OR51B5: variants seen among roughly 807,000 people sequenced by gnomAD.
The protein encoded by OR51B5 is olfactory receptor 51B5.
For synonymous variants in OR51B5, 186 were observed against 144.8 expected, an observed-to-expected ratio of 1.28 and a Z score of -2.04; for missense variants, 456 against 374.6, an observed-to-expected ratio of 1.22 and a Z score of -1.79.
chr11:5,455,665 A>G (rs1175455096), intron 1 of OR51B5: 2 of 151,514 alleles, frequency 1.3e-5, no homozygotes, highest in African/African-American at 2.5e-5. Flanking sequence ...TTAACTCACC[A>G]TGGAAACTCA....
intron 1 of OR51B5, among the ~76,000 whole-genome samples, chr11:5,361,502 G>A (rs535560204): frequency 9.8e-5 from 15 of 152,286 alleles, no homozygotes; most frequent in Admixed American, 8.5e-4. Flanking sequence ...TTATGAACAG[G>A]TCGGTAAAGA....
chr11:5,389,270 A>G (rs1849751209), intron 1 of OR51B5: 3 of 895,012 alleles, frequency 3.4e-6, no homozygotes, highest in Admixed American at 2.2e-5. Flanking sequence ...GGCAGAATTC[A>G]TAAGGGTGGA....
At chr11:5,375,513 C>T (rs2471983) in intron 1 of OR51B5, among the ~76,000 whole-genome samples, 27,081 of 151,992 alleles carry the variant, frequency 0.18, 2,675 homozygotes, top group Middle Eastern at 0.35. Flanking sequence ...CTAAGTGCTC[C>T]AATTGAAAGA....
chr11:5,479,199 C>A (rs1226917253), intron 1 of OR51B5, among the ~76,000 whole-genome samples: 1 of 147,384 alleles, frequency 6.8e-6, no homozygotes, highest in East Asian at 2.0e-4. Flanking sequence ...AGAGTGGGGG[C>A]CAATATTCAA....
intron 1 of OR51B5, among the ~76,000 whole-genome samples, chr11:5,410,300 A>T (rs1160729750): frequency 6.6e-6 from 1 of 152,182 alleles, no homozygotes; most frequent in African/African-American, 2.4e-5. Context: ...TGTGGCAGGA[A>T]TCATGCAAAA....
intron 1 of OR51B5, chr11:5,455,613 AAGAG>A (rs1470250603): frequency 1.3e-5 from 2 of 150,246 alleles, no homozygotes; most frequent in African/African-American, 2.5e-5. Context: ...GAGAAAGAGA[AAGAG>A]AGAAAGAGAG....
exon 1 of OR51B5, chr11:5,343,323 C>A (rs1335142235): frequency 6.9e-7 from 1 of 1,455,916 alleles, no homozygotes; most frequent in Admixed American, 1.8e-5. Flanking sequence ...AGCCCCAGGT[C>A]TGTGGCAGCC....
At chr11:5,407,336 T>C (rs572805736) in intron 1 of OR51B5, among the ~76,000 whole-genome samples, 11 of 152,220 alleles carry the variant, frequency 7.2e-5, no homozygotes, top group Non-Finnish European at 1.3e-4. Flanking sequence ...GTCTTTTGCA[T>C]TGAGTTCCAC....
intron 1 of OR51B5, among the ~76,000 whole-genome samples, chr11:5,416,340 G>T (rs1052404705): frequency 6.6e-6 from 1 of 151,238 alleles, no homozygotes; most frequent in Non-Finnish European, 1.5e-5. Context: ...GGCAAAAACT[G>T]GAAGCATTCC....
chr11:5,440,985 T>G, intron 1 of OR51B5: 1 of 1,614,010 alleles, frequency 6.2e-7, no homozygotes, highest in African/African-American at 1.3e-5. Context: ...GTAGGAGTGA[T>G]GCAAAACATT....
At chr11:5,423,520 C>T (rs563889284) in intron 1 of OR51B5, among the ~76,000 whole-genome samples, 1 of 152,300 alleles carries the variant, frequency 6.6e-6, no homozygotes, top group African/African-American at 2.4e-5. Context: ...TTGCCCCTAT[C>T]ACCTATTCTC....
At chr11:5,482,517 A>C (rs1257441313) in intron 1 of OR51B5, among the ~76,000 whole-genome samples, 3 of 111,158 alleles carry the variant, frequency 2.7e-5, no homozygotes, top group South Asian at 4.6e-4. Context: ...GGATCTAATT[A>C]AACTAAAGAG....
chr11:5,440,718 A>C (rs772695131), intron 1 of OR51B5: 5 of 1,613,886 alleles, frequency 3.1e-6, no homozygotes. Context: ...ACTTTTCCAG[A>C]AGCGGTGAAT....
intron 1 of OR51B5, among the ~76,000 whole-genome samples, chr11:5,487,140 A>G (rs547734927): frequency 7.9e-5 from 12 of 152,210 alleles, no homozygotes; most frequent in Non-Finnish European, 1.8e-4. Flanking sequence ...TAGTTCTGCA[A>G]ATAAAATGCC....
chr11:5,408,909 G>T (rs1850101841), intron 1 of OR51B5, among the ~76,000 whole-genome samples: 1 of 151,918 alleles, frequency 6.6e-6, no homozygotes. Context: ...CCAAAAACAA[G>T]CCCATAACCT....
chr11:5,484,550 C>A (rs1405927207), intron 1 of OR51B5, among the ~76,000 whole-genome samples: 1 of 152,196 alleles, frequency 6.6e-6, no homozygotes, highest in Middle Eastern at 3.2e-3. Context: ...CCAAAACCAT[C>A]TAGTGTCATC....
At chr11:5,407,612 T>C (rs1850077982) in intron 1 of OR51B5, among the ~76,000 whole-genome samples, 1 of 152,146 alleles carries the variant, frequency 6.6e-6, no homozygotes, top group Non-Finnish European at 1.5e-5. Context: ...TAAATACATG[T>C]GTTCAATTTA....
chr11:5,429,821 A>G (rs1850509213), intron 1 of OR51B5, among the ~76,000 whole-genome samples: 1 of 152,240 alleles, frequency 6.6e-6, no homozygotes, highest in Non-Finnish European at 1.5e-5. Flanking sequence ...GTTTATCTAA[A>G]ATTGAGCCTG....
intron 1 of OR51B5, among the ~76,000 whole-genome samples, chr11:5,471,436 G>T (rs144713220): frequency 6.6e-6 from 1 of 152,028 alleles, no homozygotes; most frequent in Non-Finnish European, 1.5e-5. Context: ...AGGAGTTTGA[G>T]ACCAGCCTGG....
Sources: gnomAD v4.1 joint callset for allele counts (sites outside exome capture counted in the v4.1 genomes callset) on GRCh38, gnomAD v4.1.1 for gene constraint, MANE v1.5 for transcripts, NCBI Gene and HGNC (gene_info 2026-07-23, HGNC 2026-07-21) for gene names.